UBE2U: variants seen among roughly 807,000 people sequenced by gnomAD.
UBE2U encodes ubiquitin-conjugating enzyme E2 U.
UBE2U carries 39 observed loss-of-function variants against 41.2 expected under a neutral mutation model. The observed-to-expected ratio is 0.95, with a 90% CI of 0.73 to 1.24. The LOEUF is 1.24. Among genes scored for constraint, UBE2U ranks in the 50% most tolerant of loss-of-function variants. The probability of loss-of-function intolerance (pLI) is 0.00; values close to 1 mark genes in which losing one functional copy is unlikely to be tolerated. For synonymous variants in UBE2U, 107 were observed against 117.8 expected (o/e 0.91, Z 0.60); for missense variants, 336 against 363.1 (o/e 0.93, Z 0.61).
At chr1:64,219,480 C>T (rs1652269538) in intron 5 of UBE2U, among the ~76,000 whole-genome samples, 1 of 151,884 alleles carries the variant, frequency 6.6e-6, no homozygotes, top group South Asian at 2.1e-4. Flanking sequence ...TTCTGGAAAA[C>T]TTTCTTATGT....
At chr1:64,259,476 A>G (rs1330230115) in intron 8 of UBE2U, among the ~76,000 whole-genome samples, 2 of 152,062 alleles carry the variant, frequency 1.3e-5, no homozygotes, top group African/African-American at 4.8e-5. Context: ...TAAGTCTTTA[A>G]TTCATCTTGA....
At chr1:64,220,398 A>C (rs1260722152) in intron 5 of UBE2U, among the ~76,000 whole-genome samples, 1 of 152,106 alleles carries the variant, frequency 6.6e-6, no homozygotes, top group African/African-American at 2.4e-5. Flanking sequence ...TTTTGTTTCT[A>C]CTGTCCTCCA....
chr1:64,228,677 T>A (rs1242347557), intron 6 of UBE2U, among the ~76,000 whole-genome samples: 1 of 132,178 alleles, frequency 7.6e-6, no homozygotes, highest in Non-Finnish European at 1.5e-5. Flanking sequence ...TTTCTTTCTC[T>A]CTCTCTCTCT....
At chr1:64,255,536 C>T (rs1447577795) in intron 8 of UBE2U, among the ~76,000 whole-genome samples, 1 of 152,080 alleles carries the variant, frequency 6.6e-6, no homozygotes, top group Non-Finnish European at 1.5e-5. Flanking sequence ...AAATACTGGC[C>T]AACTGAATCT....
chr1:64,227,377 T>C (rs1419211386), intron 6 of UBE2U, among the ~76,000 whole-genome samples: 1 of 152,122 alleles, frequency 6.6e-6, no homozygotes, highest in East Asian at 1.9e-4. Flanking sequence ...GAAATCCAAA[T>C]GAATATAAAA....
At chr1:64,216,801 G>A (rs1330208996) in intron 5 of UBE2U, among the ~76,000 whole-genome samples, 2 of 152,184 alleles carry the variant, frequency 1.3e-5, no homozygotes, top group Non-Finnish European at 2.9e-5. Context: ...GTATTGACAA[G>A]AAGACCAAGC....
intron 9 of UBE2U, among the ~76,000 whole-genome samples, chr1:64,266,581 T>C (rs751078299): frequency 3.4e-4 from 52 of 152,322 alleles, no homozygotes; most frequent in Middle Eastern, 3.4e-3. Context: ...CCTAACCCTG[T>C]CAAGTCCTCT....
intron 6 of UBE2U, among the ~76,000 whole-genome samples, chr1:64,228,860 T>TA (rs1211478906): frequency 1.4e-5 from 2 of 143,200 alleles, no homozygotes; most frequent in African/African-American, 5.2e-5. Context: ...AGGTAATTTT[T>TA]TTTTTTTTTT....
chr1:64,215,374 G>A (rs1200396619), intron 5 of UBE2U: 2 of 158,978 alleles, frequency 1.3e-5, no homozygotes, highest in Non-Finnish European at 2.8e-5. Flanking sequence ...AGTAATGAAT[G>A]GTATTAAGAT....
chr1:64,205,750 TA>T, intron 2 of UBE2U, 30 bp downstream of exon 2: 1 of 1,576,308 alleles, frequency 6.3e-7, no homozygotes. Context: ...ATCTATTTTT[TA>T]AAAAAGTCTT....
chr1:64,228,584 T>C (rs149764362), intron 6 of UBE2U, among the ~76,000 whole-genome samples: 2 of 152,174 alleles, frequency 1.3e-5, no homozygotes, highest in African/African-American at 4.8e-5. Flanking sequence ...AATGGCCAGA[T>C]GGTGAAGAGC....
intron 8 of UBE2U, among the ~76,000 whole-genome samples, chr1:64,242,710 C>T (rs1644855916): frequency 6.6e-6 from 1 of 152,038 alleles, no homozygotes; most frequent in South Asian, 2.1e-4. Flanking sequence ...AACTTTCTTT[C>T]AAGCTAAAGT....
intron 3 of UBE2U, among the ~76,000 whole-genome samples, chr1:64,207,386 C>T (rs777123628): frequency 1.7e-4 from 26 of 152,222 alleles, no homozygotes; most frequent in South Asian, 8.3e-4. Context: ...CCTGACCATC[C>T]GCCCACTTTG....
chr1:64,223,241 C>T (rs1652617173), intron 6 of UBE2U, among the ~76,000 whole-genome samples: 1 of 152,096 alleles, frequency 6.6e-6, no homozygotes, highest in Non-Finnish European at 1.5e-5. Flanking sequence ...TTCTTTTTTC[C>T]CCATTCCATA....
At chr1:64,252,837 A>C (rs1053667344) in intron 8 of UBE2U, among the ~76,000 whole-genome samples, 2 of 152,296 alleles carry the variant, frequency 1.3e-5, no homozygotes, top group Admixed American at 6.5e-5. Context: ...AAAACTCAAA[A>C]AGCCAGCATG....
At chr1:64,210,626 C>G in intron 3 of UBE2U, 116 bp from the exon 4 acceptor site, 1 of 656,732 alleles carries the variant, frequency 1.5e-6, no homozygotes, top group Non-Finnish European at 2.4e-6. Flanking sequence ...GAGAGAAGAA[C>G]TAGGAAAAAG....
Position 64,233,645 on chromosome 1 carries a change from A to G in UBE2U, c.595+996A>G, listed in dbSNP as rs368645067. On this transcript the variant is annotated intron_variant, in intron 7 of 9. Coordinates refer to ENST00000371077, the MANE Select transcript of UBE2U (RefSeq NM_001366232.2). Reference sequence around the variant, plus strand: ...TAAGAACATAGGGCTGTTCAATTATATCAATCTAAAAGGAAAAATCATCTG... The same window carrying G: ...TAAGAACATAGGGCTGTTCAATTATGTCAATCTAAAAGGAAAAATCATCTG... 1.5e-4 allele frequency among the ~76,000 whole-genome samples: 23 copies of G among 152,220 alleles called. No individual in the cohort carries two copies. In the East Asian group the frequency reaches 2.9e-3, roughly 19 times the overall value.
At chr1:64,228,855 ATT>A (rs56873849) in intron 6 of UBE2U, among the ~76,000 whole-genome samples, 31,826 of 93,324 alleles carry the variant, frequency 0.34, 4,423 homozygotes, top group East Asian at 0.4. Flanking sequence ...TGCCCAGGTA[ATT>A]TTTTTTTTTT....
chr1:64,259,499 A>G (rs1645148755), intron 8 of UBE2U, among the ~76,000 whole-genome samples: 2 of 152,118 alleles, frequency 1.3e-5, no homozygotes, highest in East Asian at 1.9e-4. Flanking sequence ...TAATTTTTGT[A>G]TAAGATGTAA....
Sources: gnomAD v4.1 joint callset for allele counts (sites outside exome capture counted in the v4.1 genomes callset) on GRCh38, gnomAD v4.1.1 for gene constraint, MANE v1.5 for transcripts, NCBI Gene and HGNC (gene_info 2026-07-23, HGNC 2026-07-21) for gene names.